Variants in GPR139 observed in about 807,000 individuals in gnomAD.
The protein encoded by GPR139 is G protein-coupled receptor 139.
A neutral mutation model predicts 25.8 loss-of-function variants in GPR139; 12 were observed. The observed-to-expected ratio is 0.47, with a 90% CI of 0.30 to 0.75. The LOEUF is 0.75. Among genes scored for constraint, GPR139 ranks in the 30% least tolerant of loss-of-function variants. The pLI, the probability that GPR139 is intolerant of heterozygous loss-of-function variation, is 0.07. For synonymous variants in GPR139, 184 were observed against 179.9 expected (o/e 1.02, Z -0.18); for missense variants, 380 against 450.2 (o/e 0.84, Z 1.41).
At chr16:20,057,305 A>G (rs551625075) in intron 1 of GPR139, among the ~76,000 whole-genome samples, 21 of 152,150 alleles carry the variant, frequency 1.4e-4, no homozygotes, top group African/African-American at 5.1e-4. Context: ...TCAATCTCAC[A>G]GGCACTGCTG....
intron 1 of GPR139, among the ~76,000 whole-genome samples, chr16:20,044,304 T>A (rs1567236619): frequency 6.6e-6 from 1 of 152,224 alleles, no homozygotes; most frequent in Non-Finnish European, 1.5e-5. Context: ...ACTCAATCAA[T>A]GAAAATGTCC....
At chr16:20,057,359 G>C (rs1390620068) in intron 1 of GPR139, among the ~76,000 whole-genome samples, 1 of 152,172 alleles carries the variant, frequency 6.6e-6, no homozygotes, top group African/African-American at 2.4e-5. Context: ...TTGGTCTAGT[G>C]CTTGGCTCAG....
intron 1 of GPR139, among the ~76,000 whole-genome samples, chr16:20,033,731 A>G (rs989887178): frequency 6.6e-6 from 1 of 152,072 alleles, no homozygotes; most frequent in Non-Finnish European, 1.5e-5. Flanking sequence ...GGAAAAGTAC[A>G]TTTTCCTTCT....
In GPR139 at chr16:20,070,011, C is replaced by T. The variant is rs1049306589; in HGVS notation, c.127+3479G>A. ...TAGGAATAGGTGGGACACCGATTTTCTCCACAGAGCACAGAAAGGAGGGAC... is the reference window on the plus strand; with the variant it reads ...TAGGAATAGGTGGGACACCGATTTTTTCCACAGAGCACAGAAAGGAGGGAC... On this transcript the variant is annotated intron_variant, in intron 1 of 1. Transcript: ENST00000570682. 3.3e-5 allele frequency among the ~76,000 whole-genome samples: 5 copies of T among 152,302 alleles called. No individual in the cohort carries two copies. In the South Asian group the frequency reaches 1.0e-3, roughly 32 times the overall value.
intron 1 of GPR139, among the ~76,000 whole-genome samples, chr16:20,035,894 G>C (rs146739338): frequency 6.6e-6 from 1 of 152,180 alleles, no homozygotes; most frequent in Non-Finnish European, 1.5e-5. Context: ...GCTGTGTTCT[G>C]TTGAAAAGCA....
Position 20,031,762 on chromosome 16 carries a change from A to G in GPR139, c.1035T>C (p.Asn345=). Residue 345 remains asparagine (N), a synonymous_variant, in exon 2 of 2, where the codon AAT becomes AAC. Coordinates refer to ENST00000570682, the MANE Select transcript of GPR139 (RefSeq NM_001002911.4). ...IKMLVYQYDK[N]GKPIKVSP ...ACGGGGATACTTTTATAGGTTTTCCATTTTTGTCATACTGGTACACCAGCA... is the reference window on the plus strand; with the variant it reads ...ACGGGGATACTTTTATAGGTTTTCCGTTTTTGTCATACTGGTACACCAGCA... 2.5e-6 allele frequency: 4 copies of G among 1,614,096 alleles called. No homozygotes were observed. The highest frequency in any genetic ancestry group is 3.4e-6 in the Non-Finnish European group (4 of 1,180,008).
At chr16:20,054,052 G>A (rs2057381124) in intron 1 of GPR139, among the ~76,000 whole-genome samples, 1 of 152,106 alleles carries the variant, frequency 6.6e-6, no homozygotes, top group Admixed American at 6.6e-5. Flanking sequence ...GGGGGCTTTG[G>A]GAGGGCAGAT....
intron 1 of GPR139, among the ~76,000 whole-genome samples, chr16:20,069,701 G>A (rs897856951): frequency 5.4e-4 from 82 of 152,256 alleles, no homozygotes; most frequent in African/African-American, 1.9e-3. Flanking sequence ...CTCTTTAGAA[G>A]GTAATTTTTT....
At chr16:20,050,408 G>A (rs1596467937) in intron 1 of GPR139, among the ~76,000 whole-genome samples, 1 of 152,178 alleles carries the variant, frequency 6.6e-6, no homozygotes, top group South Asian at 2.1e-4. Context: ...GATGGGTGGG[G>A]CTAGGAGACA....
chr16:20,064,585 G>A (rs2141214323), intron 1 of GPR139, among the ~76,000 whole-genome samples: 1 of 152,318 alleles, frequency 6.6e-6, no homozygotes, highest in South Asian at 2.1e-4. Flanking sequence ...CATTTGAAGT[G>A]TTTTGAAGCA....
chr16:20,072,430 G>C (rs2057462945), intron 1 of GPR139, among the ~76,000 whole-genome samples: 1 of 152,154 alleles, frequency 6.6e-6, no homozygotes, highest in Non-Finnish European at 1.5e-5. Context: ...TGACTAGGGA[G>C]ATGATGCTAA....
chr16:20,061,221 GGA>G (rs1187062244), intron 1 of GPR139, among the ~76,000 whole-genome samples: 11,866 of 140,298 alleles, frequency 0.085, 557 homozygotes, highest in East Asian at 0.2. Context: ...ATGGATGGAT[GGA>G]TGTGTGGATG....
At chr16:20,063,964 A>T (rs1216798324) in intron 1 of GPR139, among the ~76,000 whole-genome samples, 2 of 152,226 alleles carry the variant, frequency 1.3e-5, no homozygotes, top group Non-Finnish European at 2.9e-5. Context: ...TCATGGTGGA[A>T]GGTGAAGGGG....
rs553079996 is a variant in GPR139, at chr16:20,067,680, T to G, written c.127+5810A>C. Among the ~76,000 whole-genome samples the G allele has an allele frequency of 2.6e-5, 4 of 152,092 alleles. No homozygotes were observed. In the South Asian group the frequency reaches 8.3e-4, roughly 32 times the overall value. ...TTAGCCAGGCATGGTGGCGCATGCC[T>G]GTAATCCCAGCTACTTGGGAGGCTG... On this transcript the variant is annotated intron_variant, in intron 1 of 1. Transcript: ENST00000570682.
intron 1 of GPR139, among the ~76,000 whole-genome samples, chr16:20,066,095 T>A (rs1287185710): frequency 6.6e-6 from 1 of 152,174 alleles, no homozygotes; most frequent in African/African-American, 2.4e-5. Context: ...ATTCTTTGGG[T>A]AAGTGAAGCA....
intron 1 of GPR139, among the ~76,000 whole-genome samples, chr16:20,063,767 A>C (rs1181344635): frequency 6.6e-6 from 1 of 152,200 alleles, no homozygotes; most frequent in Non-Finnish European, 1.5e-5. Context: ...GACTGCTAGC[A>C]GTGTGATTTC....
chr16:20,051,498 G>A (rs571140128), intron 1 of GPR139, among the ~76,000 whole-genome samples: 5 of 152,216 alleles, frequency 3.3e-5, no homozygotes, highest in African/African-American at 1.2e-4. Flanking sequence ...ACCAGGAGAC[G>A]TGGACAGGCA....
rs753687161 is a variant in GPR139, at chr16:20,031,703, A to G, written c.*32T>C. On this transcript the variant is annotated 3_prime_UTR_variant, in exon 2 of 2. Coordinates refer to ENST00000570682, the MANE Select transcript of GPR139 (RefSeq NM_001002911.4). ...ACACCTTCCCATCTGGAAATGGATT[A>G]GACAGAGGCAGTAGTTGCCACACCT... 1.3e-6 allele frequency: 2 copies of G among 1,542,536 alleles called. No homozygotes were observed. The highest frequency in any genetic ancestry group is 1.7e-4 in the Middle Eastern group (1 of 5,910).
intron 1 of GPR139, among the ~76,000 whole-genome samples, chr16:20,039,655 A>G (rs532361127): frequency 2.6e-4 from 39 of 152,328 alleles, no homozygotes; most frequent in African/African-American, 9.4e-4. Context: ...AGAGAGGTTA[A>G]GTAACTTGTT....
Sources: allele counts gnomAD v4.1 joint callset (sites outside exome capture counted in the v4.1 genomes callset), GRCh38; gene constraint gnomAD v4.1.1; transcripts MANE v1.5; gene names NCBI Gene and HGNC (gene_info 2026-07-23, HGNC 2026-07-21).